MFSD12: variants seen among roughly 807,000 people sequenced by gnomAD.
The protein encoded by MFSD12 is major facilitator superfamily domain-containing protein 12.
MFSD12 carries 67 observed loss-of-function variants against 51.2 expected under a neutral mutation model. That is an observed-to-expected ratio of 1.31 (90% confidence interval 1.08 to 1.60). MFSD12 has a LOEUF of 1.60. Ranked by LOEUF, MFSD12 falls within the 40% of genes most tolerant of loss-of-function variation. The pLI, the probability that MFSD12 is intolerant of heterozygous loss-of-function variation, is 0.00. For synonymous variants in MFSD12, 441 were observed against 316.7 expected (o/e 1.39, Z -4.17); for missense variants, 921 against 673.0 (o/e 1.37, Z -4.08).
chr19:3,538,966 T>C, intron 4 of MFSD12: 1 of 636,346 alleles, frequency 1.6e-6, no homozygotes, highest in Non-Finnish European at 2.9e-6. Context: ...GGACCCCACC[T>C]GGCAGTGGCC....
downstream of MFSD12, among the ~76,000 whole-genome samples, chr19:3,540,790 A>T (rs548829662): frequency 6.7e-6 from 1 of 149,624 alleles, no homozygotes; most frequent in East Asian, 2.0e-4. Flanking sequence ...GAGGCAGGAG[A>T]ATCACTTGAA....
chr19:3,543,289 C>T, downstream of MFSD12: 1 of 1,548,524 alleles, frequency 6.5e-7, no homozygotes, highest in South Asian at 1.2e-5. Context: ...TCAGGCAGGC[C>T]ACACGCTGGA....
chr19:3,538,485 T>C (rs1343320438), exon 5 of MFSD12: 1 of 330,728 alleles, frequency 3.0e-6, no homozygotes. Flanking sequence ...ATCCTCTCCC[T>C]GATTCTGTGG....
intron 1 of MFSD12, 133 bp downstream of exon 1, chr19:3,556,973 G>C: frequency 1.1e-6 from 1 of 888,262 alleles, no homozygotes; most frequent in Non-Finnish European, 1.6e-6. Flanking sequence ...CTCGGGCCAC[G>C]GGACAGACAG....
intron 8 of MFSD12, 57 bp downstream of exon 8, chr19:3,546,017 G>A: frequency 6.4e-7 from 1 of 1,570,418 alleles, no homozygotes; most frequent in Non-Finnish European, 8.8e-7. Context: ...ACACACAGCA[G>A]GCGCTTAATC....
intron 1 of MFSD12, among the ~76,000 whole-genome samples, chr19:3,555,521 G>C (rs2031686238): frequency 6.6e-6 from 1 of 152,234 alleles, no homozygotes. Context: ...GGAAGGGACA[G>C]CCGGTCCCCT....
At chr19:3,556,656 G>A (rs1213873180) in intron 1 of MFSD12, among the ~76,000 whole-genome samples, 4 of 151,188 alleles carry the variant, frequency 2.6e-5, no homozygotes, top group African/African-American at 9.7e-5. Context: ...AGGCAGGGGA[G>A]GCTCAGGAGT....
At position 3,548,105 on chromosome 19, in the gene MFSD12, A is replaced by G. The variant is rs559451192; in HGVS notation, c.654+18T>C. On this transcript the variant is annotated intron_variant, in intron 3 of 9. Coordinates refer to ENST00000355415, the MANE Select transcript of MFSD12 (RefSeq NM_174983.5). ...CTGGCTCGAGGACTTCAGGCGACCCACCCGGACTCCAGCTCACCCGGAACA... is the reference window on the plus strand; with the variant it reads ...CTGGCTCGAGGACTTCAGGCGACCCGCCCGGACTCCAGCTCACCCGGAACA... 2.0e-5 allele frequency: 32 copies of G among 1,604,342 alleles called. No homozygotes were observed. Among genetic ancestry groups the G allele is most frequent in the African/African-American group, 8.0e-5 (6 of 74,912 alleles).
At chr19:3,538,563 A>G (rs1018683265) in exon 5 of MFSD12, 3 of 399,884 alleles carry the variant, frequency 7.5e-6, no homozygotes, top group Non-Finnish European at 5.1e-6. Context: ...GGTGTCTCTC[A>G]CTGAGCGTGA....
In MFSD12 at chr19:3,544,843, A is replaced by C; in HGVS notation, c.1386T>G (p.Cys462Trp). 6.2e-7 allele frequency: 1 copy of C among 1,612,516 alleles called. No homozygotes were observed. Among genetic ancestry groups the C allele is most frequent in the African/African-American group, 1.3e-5 (1 of 74,988 alleles). The change falls in exon 9 of 10, where the codon TGT (cysteine) becomes TGG (tryptophan). Residue 462 changes from cysteine (C) to tryptophan (W), a missense_variant. Physicochemically the swap from Cys to Trp is radical, Grantham distance 215. Transcript: ENST00000355415. ...GGCGGGTCGGCCACAGCAGGAGGCTACAGAGACACAGGGCAGCGGCCACGC... is the reference window on the plus strand; with the variant it reads ...GGCGGGTCGGCCACAGCAGGAGGCTCCAGAGACACAGGGCAGCGGCCACGC... ...GVGVAAALCL[C>W]SLLLWPTRLR... is the part of the protein sequence containing the mutation.
chr19:3,557,092 G>A lies in MFSD12; in HGVS notation c.298+14C>T. On this transcript the variant is annotated intron_variant, in intron 1 of 9. Coordinates refer to ENST00000355415, the MANE Select transcript of MFSD12 (RefSeq NM_174983.5). Reference sequence around the variant, plus strand: ...GAGGGGCTGCCCGACAGGTGGCGGGGCCGGGACGCTTACCGACCAGGTGCC... The same window carrying A: ...GAGGGGCTGCCCGACAGGTGGCGGGACCGGGACGCTTACCGACCAGGTGCC... 2 of 1,450,628 alleles carry A rather than the reference G, an allele frequency of 1.4e-6. No individual in the cohort carries two copies. Among genetic ancestry groups the A allele is most frequent in the African/African-American group, 1.5e-5 (1 of 67,200 alleles). The allele number at this position is 1,450,628 out of a possible 1,614,324, so 89.9% of individuals were successfully genotyped here.
chr19:3,539,289 C>T (rs1237324541), downstream of MFSD12: 4 of 1,369,902 alleles, frequency 2.9e-6, no homozygotes, highest in East Asian at 5.0e-5. Flanking sequence ...GTGAGCCCCT[C>T]CCAGCCCCTC....
chr19:3,548,158 C>CGCTGAT lies in MFSD12; in HGVS notation c.613_618dup (p.Ile205_Ser206dup). ...GGCACGTCCTGGCCCCCCAGCTGGT[C>CGCTGAT]GCTGATGCTGATGTCTTGGGTGGGC... On this transcript the variant is annotated inframe_insertion, in exon 3 of 10. Coordinates refer to ENST00000355415, the MANE Select transcript of MFSD12 (RefSeq NM_174983.5). 6.2e-7 allele frequency: 1 copy of CGCTGAT among 1,603,298 alleles called. No individual in the cohort carries two copies. The highest frequency in any genetic ancestry group is 8.5e-7 in the Non-Finnish European group (1 of 1,176,618).
intron 1 of MFSD12, 30 bp downstream of exon 1, chr19:3,557,076 C>A: frequency 7.0e-7 from 1 of 1,420,868 alleles, no homozygotes; most frequent in Non-Finnish European, 9.1e-7. Context: ...GGAGGGGCTG[C>A]CCGACAGGTG....
At position 3,547,346 on chromosome 19, in the gene MFSD12, G is replaced by A. The variant is rs757803533; in HGVS notation, c.949C>T (p.Pro317Ser). 2.5e-6 allele frequency: 4 copies of A among 1,613,328 alleles called. No homozygotes were observed. The highest frequency in any genetic ancestry group is 2.2e-5 in the South Asian group (2 of 91,084). The change falls in exon 6 of 10, where the codon CCC (proline) becomes TCC (serine). Residue 317 changes from proline to serine, a missense_variant. Coordinates refer to ENST00000355415, the MANE Select transcript of MFSD12 (RefSeq NM_174983.5). ...HLPKKFIATI[P>S]LVMYLSGFLS... Reference sequence around the variant, plus strand: ...AAGCCGCTGAGGTACATCACCAGGGGAATGGTCGCGATGAACTTCTGCGGA... The same window carrying A: ...AAGCCGCTGAGGTACATCACCAGGGAAATGGTCGCGATGAACTTCTGCGGA...
chr19:3,556,822 G>A (rs754668632), intron 1 of MFSD12, among the ~76,000 whole-genome samples: 21 of 119,078 alleles, frequency 1.8e-4, no homozygotes, highest in Non-Finnish European at 3.7e-4. Flanking sequence ...TGGGACTGAT[G>A]GAGGAAGCTC....
downstream of MFSD12, chr19:3,543,250 C>T: frequency 6.5e-7 from 1 of 1,545,802 alleles, no homozygotes; most frequent in Non-Finnish European, 8.7e-7. Context: ...ACTACCTGTC[C>T]CTGGAGGGTT....
At chr19:3,546,685 C>T (rs898625831) in intron 6 of MFSD12, among the ~76,000 whole-genome samples, 27 of 152,344 alleles carry the variant, frequency 1.8e-4, no homozygotes, top group Non-Finnish European at 3.5e-4. Flanking sequence ...CGAAAGCAAA[C>T]GACGGACTCG....
chr19:3,543,424 C>A (rs906737740), downstream of MFSD12: 3 of 1,546,800 alleles, frequency 1.9e-6, no homozygotes, highest in African/African-American at 4.1e-5. Context: ...GCGAGGCCTA[C>A]AACCGCTGGC....
Sources: gnomAD v4.1 joint callset for allele counts (sites outside exome capture counted in the v4.1 genomes callset) on GRCh38, gnomAD v4.1.1 for gene constraint, MANE v1.5 for transcripts, NCBI Gene and HGNC (gene_info 2026-07-23, HGNC 2026-07-21) for gene names.